Variants in DCC observed in about 807,000 individuals in gnomAD.
DCC encodes the protein DCC netrin 1 receptor.
In DCC, 58 loss-of-function variants were observed where a neutral mutation model predicts 172.5. The observed-to-expected ratio is 0.34, with a 90% confidence interval of 0.27 to 0.42. The LOEUF is 0.42. Among genes scored for constraint, DCC ranks in the 10% least tolerant of loss-of-function variants. DCC has a pLI of 1.00. For synonymous variants in DCC, 709 were observed against 644.5 expected (o/e 1.10, Z -1.52); for missense variants, 1,740 against 1,791.0 (o/e 0.97, Z 0.51).
intron 5 of DCC, among the ~76,000 whole-genome samples, chr18:52,990,865 G>T (rs373861783): frequency 6.6e-6 from 1 of 152,122 alleles, no homozygotes; most frequent in African/African-American, 2.4e-5. Context: ...ATAATAGTAG[G>T]TTTAACGAAC....
At chr18:52,429,822 A>G (rs1214695610) in intron 1 of DCC, among the ~76,000 whole-genome samples, 5 of 152,250 alleles carry the variant, frequency 3.3e-5, no homozygotes, top group Non-Finnish European at 5.9e-5. Flanking sequence ...AGTAATTAAA[A>G]CCTGGCTCCT....
At chr18:52,822,318 T>C (rs141983515) in intron 2 of DCC, among the ~76,000 whole-genome samples, 58 of 152,312 alleles carry the variant, frequency 3.8e-4, no homozygotes, top group African/African-American at 1.3e-3. Flanking sequence ...GAGTGAAATG[T>C]GCTAGGTGCC....
intron 5 of DCC, among the ~76,000 whole-genome samples, chr18:52,927,617 G>T (rs932481183): frequency 1.2e-4 from 18 of 151,866 alleles, no homozygotes; most frequent in Non-Finnish European, 2.2e-4. Context: ...CTTGACTAGT[G>T]TTATTATGTA....
Position 52,657,907 on chromosome 18 carries a change from A to G in DCC, c.92-94147A>G, listed in dbSNP as rs568772433. Among the ~76,000 whole-genome samples the G allele has an allele frequency of 2.0e-5, 3 of 152,296 alleles. No homozygotes were observed. In the East Asian group the frequency reaches 5.8e-4, roughly 29 times the overall value. On this transcript the variant is annotated intron_variant, in intron 1 of 28. Transcript: ENST00000442544. ...TCTGGATCTCAACTTTCATGGTAAA[A>G]GTGATACAGATGAACCGCGTTAATC...
At chr18:52,827,353 G>T (rs1444658331) in intron 2 of DCC, among the ~76,000 whole-genome samples, 1 of 152,210 alleles carries the variant, frequency 6.6e-6, no homozygotes, top group Non-Finnish European at 1.5e-5. Flanking sequence ...ACCGAAAACA[G>T]CATTTTAAAA....
intron 1 of DCC, among the ~76,000 whole-genome samples, chr18:52,350,429 A>C (rs184811643): frequency 2.0e-5 from 3 of 152,306 alleles, no homozygotes; most frequent in Admixed American, 6.5e-5. Context: ...AGGAACAGAA[A>C]ACCAAACACC....
In DCC at chr18:52,775,829, T is replaced by A. The variant is rs80111823; in HGVS notation, c.412+23455T>A. Among the ~76,000 whole-genome samples, 412 of 152,254 alleles carry A rather than the reference T, an allele frequency of 2.7e-3. 2 individuals are homozygous for A. Among genetic ancestry groups the A allele is most frequent in the African/African-American group, 9.1e-3 (380 of 41,538 alleles). ...AATGTGGTCTTGGAAAATGCAACATTTGGGTGTGAAAGTAGGAGTGCTCAT... is the reference window on the plus strand; with the variant it reads ...AATGTGGTCTTGGAAAATGCAACATATGGGTGTGAAAGTAGGAGTGCTCAT... On this transcript the variant is annotated intron_variant, in intron 2 of 28. Transcript: ENST00000442544.
intron 1 of DCC, among the ~76,000 whole-genome samples, chr18:52,449,080 A>G (rs1988220608): frequency 1.3e-5 from 2 of 152,234 alleles, no homozygotes; most frequent in South Asian, 2.1e-4. Flanking sequence ...AGAAGGAGCA[A>G]GTTATGCCTT....
At chr18:52,479,325 C>T (rs1447818399) in intron 1 of DCC, among the ~76,000 whole-genome samples, 11 of 152,254 alleles carry the variant, frequency 7.2e-5, no homozygotes, top group Non-Finnish European at 1.5e-4. Flanking sequence ...AATCACTTAC[C>T]ACCAAAGACA....
intron 12 of DCC, among the ~76,000 whole-genome samples, chr18:53,246,278 G>A (rs1598943153): frequency 1.3e-5 from 2 of 151,932 alleles, no homozygotes; most frequent in Admixed American, 1.3e-4. Context: ...CTCAAGCAGG[G>A]GTTTCCTGGC....
At chr18:53,269,415 C>G (rs536408302) in intron 12 of DCC, among the ~76,000 whole-genome samples, 38 of 152,208 alleles carry the variant, frequency 2.5e-4, no homozygotes, top group South Asian at 1.2e-3. Flanking sequence ...GCACAAAACT[C>G]CATCCAAGGT....
chr18:53,417,838 C>T (rs1910409447), intron 21 of DCC, among the ~76,000 whole-genome samples: 1 of 152,026 alleles, frequency 6.6e-6, no homozygotes, highest in South Asian at 2.1e-4. Flanking sequence ...TTTAAGGTAA[C>T]TGTTTTGCAT....
Position 52,516,189 on chromosome 18 carries a change from TAA to T in DCC, c.91+175319_91+175320del, listed in dbSNP as rs112367101. 8.5e-3 allele frequency among the ~76,000 whole-genome samples: 1,288 copies of T among 151,706 alleles called. 25 individuals are homozygous for T. Among genetic ancestry groups the T allele is most frequent in the African/African-American group, 0.03 (1,238 of 41,410 alleles). ...CACTCTGAAAAACAGTTTGACAGGT[TAA>T]AAAAAAATTCAAATATCATACAGTT... On this transcript the variant is annotated intron_variant, in intron 1 of 28. Coordinates refer to ENST00000442544, the MANE Select transcript of DCC (RefSeq NM_005215.4).
At chr18:52,456,977 A>C (rs1192621583) in intron 1 of DCC, among the ~76,000 whole-genome samples, 1 of 151,414 alleles carries the variant, frequency 6.6e-6, no homozygotes, top group Non-Finnish European at 1.5e-5. Flanking sequence ...TAGTATTTCC[A>C]CTCTGGTTTG....
At chr18:53,514,455 A>T (rs1237960779) in intron 27 of DCC, among the ~76,000 whole-genome samples, 1 of 144,576 alleles carries the variant, frequency 6.9e-6, no homozygotes, top group African/African-American at 2.7e-5. Flanking sequence ...TCAGAGCAGA[A>T]CTGAAGGAAA....
At chr18:52,546,933 G>A (rs1227368309) in intron 1 of DCC, among the ~76,000 whole-genome samples, 5 of 152,016 alleles carry the variant, frequency 3.3e-5, no homozygotes, top group Non-Finnish European at 4.4e-5. Flanking sequence ...GTCAGAACAC[G>A]GGCAGCTAAT....
rs542620720 is a variant in DCC at position 53,187,709 on chromosome 18, A to T, written c.1573+8593A>T. 2.0e-3 allele frequency among the ~76,000 whole-genome samples: 312 copies of T among 152,338 alleles called. 2 individuals are homozygous for T. The highest frequency in any genetic ancestry group is 2.2e-3 in the Non-Finnish European group (147 of 68,026). On this transcript the variant is annotated intron_variant, in intron 9 of 28. Transcript: ENST00000442544. ...CATAAAAAGTCAATAATATGACTTT[A>T]GCTATTTTTCTTTAACTCCAATGTT... is the stretch of plus-strand genomic sequence containing the variant.
At chr18:53,357,533 G>A (rs2057890810) in intron 15 of DCC, among the ~76,000 whole-genome samples, 1 of 152,162 alleles carries the variant, frequency 6.6e-6, no homozygotes, top group South Asian at 2.1e-4. Flanking sequence ...AAATGAATAA[G>A]TACCATGTAG....
chr18:53,492,680 C>G (rs1599213737), intron 26 of DCC, among the ~76,000 whole-genome samples: 1 of 152,232 alleles, frequency 6.6e-6, no homozygotes, highest in East Asian at 1.9e-4. Context: ...TGTTTTGGTA[C>G]CAGTACCATG....
Sources: allele counts gnomAD v4.1 joint callset (sites outside exome capture counted in the v4.1 genomes callset), GRCh38; gene constraint gnomAD v4.1.1; transcripts MANE v1.5; gene names NCBI Gene and HGNC (gene_info 2026-07-23, HGNC 2026-07-21).